The following NEDD4L variants were observed in gnomAD, a reference collection of about 807,000 sequenced individuals.
NEDD4L encodes the protein E3 ubiquitin-protein ligase NEDD4-like.
NEDD4L carries 54 observed loss-of-function variants against 148.9 expected under a neutral mutation model. That is an observed-to-expected ratio of 0.36 (90% CI 0.29 to 0.45). The LOEUF is 0.45. NEDD4L is among the 20% of genes least tolerant of loss of function. The pLI, the probability that NEDD4L is intolerant of heterozygous loss-of-function variation, is 1.00. For synonymous variants in NEDD4L, 433 were observed against 440.7 expected, an observed-to-expected ratio of 0.98 and a Z score of 0.22; for missense variants, 856 against 1,233.8, an observed-to-expected ratio of 0.69 and a Z score of 4.59.
At chr18:58,365,801 G>C (rs569093152) in intron 20 of NEDD4L, among the ~76,000 whole-genome samples, 198 bp from the exon 21 acceptor site, 1 of 152,180 alleles carries the variant, frequency 6.6e-6, no homozygotes, top group African/African-American at 2.4e-5. Flanking sequence ...AGTGGATGCC[G>C]TGTGTCCCAT....
In NEDD4L at chr18:58,400,115, A is replaced by G. The variant is rs2050756319; in HGVS notation, c.*3846A>G. Reference sequence around the variant, plus strand: ...CCTTACCCTGGCCCTGCACCCCTGTACTTAAGAGGGAGAGGTGGGAGGTGC... The same window carrying G: ...CCTTACCCTGGCCCTGCACCCCTGTGCTTAAGAGGGAGAGGTGGGAGGTGC... On this transcript the variant is annotated 3_prime_UTR_variant, in exon 31 of 31. Transcript: ENST00000400345. The G allele has an allele frequency of 2.0e-5, 3 of 152,328 alleles. No homozygotes were observed. Among genetic ancestry groups the G allele is most frequent in the Non-Finnish European group, 4.4e-5 (3 of 68,174 alleles). The allele number at this position is 152,328 out of a possible 1,614,324, so 9.4% of individuals were successfully genotyped here.
chr18:58,286,906 T>A (rs1568581363), intron 5 of NEDD4L, among the ~76,000 whole-genome samples: 1 of 152,184 alleles, frequency 6.6e-6, no homozygotes, highest in African/African-American at 2.4e-5. Flanking sequence ...TGGTTGCCAG[T>A]AGAGATTTTC....
Position 58,256,398 on chromosome 18 carries a change from C to G in NEDD4L, c.297+4344C>G. 8.1e-7 allele frequency: 1 copy of G among 1,232,392 alleles called. No individual in the cohort carries two copies. The highest frequency in any genetic ancestry group is 1.0e-6 in the Non-Finnish European group (1 of 988,154). The allele number at this position is 1,232,392 out of a possible 1,614,324, so 76.3% of individuals were successfully genotyped here. A position where few individuals can be genotyped will look rare whatever the true frequency, so the allele number is the denominator to read the frequency against. ...CAGTTGCAGCAGCCCCAACAAGGCG[C>G]TTCGGGGCCAGGCAGCGACCTCAAC... On this transcript the variant is annotated intron_variant, in intron 5 of 30. Coordinates refer to ENST00000400345, the MANE Select transcript of NEDD4L (RefSeq NM_001144967.3). This position sits in a 1 kb window ranked among gnomAD's most constrained non-coding sequence, Gnocchi z 5.2.
At chr18:58,221,789 A>G (rs953711386) in intron 2 of NEDD4L, 22 of 836,392 alleles carry the variant, frequency 2.6e-5, no homozygotes, top group East Asian at 1.2e-4. Context: ...TATGTTTGCT[A>G]TATGAATGCA....
At chr18:58,281,727 T>C (rs1215784929) in intron 5 of NEDD4L, among the ~76,000 whole-genome samples, 9 of 152,102 alleles carry the variant, frequency 5.9e-5, no homozygotes, top group African/African-American at 2.2e-4. Flanking sequence ...AGAACAGTTT[T>C]AAAACTATAA....
At chr18:58,078,428 C>T (rs954368750) in intron 1 of NEDD4L, among the ~76,000 whole-genome samples, 1 of 152,012 alleles carries the variant, frequency 6.6e-6, no homozygotes, top group African/African-American at 2.4e-5. Flanking sequence ...TGTCCCAGGC[C>T]CTGTCCTGCA....
chr18:58,191,382 G>C (rs2040096142), intron 2 of NEDD4L, among the ~76,000 whole-genome samples: 4 of 152,130 alleles, frequency 2.6e-5, no homozygotes, highest in Admixed American at 2.6e-4. Context: ...AATGAAGCTT[G>C]TTCAGAATTG....
At chr18:58,131,838 G>A (rs750142745) in intron 1 of NEDD4L, among the ~76,000 whole-genome samples, 2 of 152,150 alleles carry the variant, frequency 1.3e-5, no homozygotes, top group African/African-American at 2.4e-5. Context: ...GGAATCTTGC[G>A]TTGCTGTATG....
intron 1 of NEDD4L, among the ~76,000 whole-genome samples, chr18:58,124,386 G>A (rs1027368698): frequency 6.6e-6 from 1 of 152,096 alleles, no homozygotes; most frequent in Non-Finnish European, 1.5e-5. Flanking sequence ...GTTCCTCCCC[G>A]GCCTCCTCGA....
chr18:58,174,496 C>T (rs1763378670), intron 2 of NEDD4L, among the ~76,000 whole-genome samples: 1 of 152,174 alleles, frequency 6.6e-6, no homozygotes, highest in Non-Finnish European at 1.5e-5. Context: ...CTATCACTAT[C>T]AATAGTCCCT....
chr18:58,249,317 A>G (rs1308126462), intron 4 of NEDD4L, among the ~76,000 whole-genome samples: 1 of 152,248 alleles, frequency 6.6e-6, no homozygotes, highest in Admixed American at 6.5e-5. Flanking sequence ...AAAAAGAAAC[A>G]TAAAAATTAC....
intron 5 of NEDD4L, among the ~76,000 whole-genome samples, chr18:58,284,412 A>G (rs542671432): frequency 6.6e-6 from 1 of 152,292 alleles, no homozygotes; most frequent in South Asian, 2.1e-4. Flanking sequence ...ACTCAGTATT[A>G]GCAAGAAGAG....
intron 22 of NEDD4L, among the ~76,000 whole-genome samples, chr18:58,368,788 T>C (rs2046434796): frequency 6.6e-6 from 1 of 152,040 alleles, no homozygotes; most frequent in Admixed American, 6.5e-5. Flanking sequence ...TAAACACTTT[T>C]TTTCCTCTAG....
At chr18:58,331,390 C>T (rs923008453) in intron 11 of NEDD4L, among the ~76,000 whole-genome samples, 2 of 152,206 alleles carry the variant, frequency 1.3e-5, no homozygotes, top group African/African-American at 4.8e-5. Context: ...TTAAGTGGCT[C>T]ATCCAAGACA....
chr18:58,282,278 G>T (rs1432051546), intron 5 of NEDD4L, among the ~76,000 whole-genome samples: 1 of 151,834 alleles, frequency 6.6e-6, no homozygotes, highest in Non-Finnish European at 1.5e-5. Flanking sequence ...GCTGGTAAAT[G>T]CAGTCCTGTC....
intron 5 of NEDD4L, among the ~76,000 whole-genome samples, chr18:58,253,991 G>GTTTTTTTTT (rs35718137): frequency 6.8e-6 from 1 of 146,446 alleles, no homozygotes. Context: ...TGGTGTTGCT[G>GTTTTTTTTT]TTTTTTTTTT....
intron 5 of NEDD4L, among the ~76,000 whole-genome samples, chr18:58,257,757 AG>A (rs978628421): frequency 8.5e-5 from 13 of 152,154 alleles, no homozygotes; most frequent in African/African-American, 3.1e-4. Flanking sequence ...TGGAATGAAA[AG>A]TTTAATCAGT....
chr18:58,389,577 A>G (rs774790142), intron 28 of NEDD4L: 34 of 165,884 alleles, frequency 2.0e-4, no homozygotes, highest in Non-Finnish European at 4.3e-4. Flanking sequence ...CGTTTTCTCA[A>G]TTTTTAAAAT....
At chr18:58,299,806 C>G (rs1423857237) in intron 5 of NEDD4L, among the ~76,000 whole-genome samples, 3 of 152,072 alleles carry the variant, frequency 2.0e-5, no homozygotes, top group Non-Finnish European at 4.4e-5. Context: ...TCATGGTCAG[C>G]TGTTCTCAGT....
Sources: allele counts gnomAD v4.1 joint callset (sites outside exome capture counted in the v4.1 genomes callset), GRCh38; gene constraint gnomAD v4.1.1; non-coding constraint Gnocchi (gnomAD v3.1); transcripts MANE v1.5; gene names NCBI Gene and HGNC (gene_info 2026-07-23, HGNC 2026-07-21).